Variants in FSTL5 observed in about 807,000 individuals in gnomAD.
FSTL5 encodes the protein follistatin like 5.
FSTL5 carries 62 observed loss-of-function variants against 89.1 expected under a neutral mutation model. That is an observed-to-expected ratio of 0.70 (90% CI 0.57 to 0.86). The LOEUF is 0.86. FSTL5 is among the 40% of genes least tolerant of loss of function. The pLI is 0.00. For synonymous variants in FSTL5, 383 were observed against 346.2 expected (o/e 1.11, Z -1.18); for missense variants, 1,057 against 1,001.6 (o/e 1.06, Z -0.75).
chr4:161,636,446 G>GTTTTTTTTTTT (rs796867744), intron 7 of FSTL5, among the ~76,000 whole-genome samples: 5 of 109,758 alleles, frequency 4.6e-5, no homozygotes, highest in East Asian at 2.6e-4. Context: ...TCTGGCAGTT[G>GTTTTTTTTTTT]TTTTTTTTTT....
At chr4:161,407,691 T>G (rs576705165) in intron 15 of FSTL5, among the ~76,000 whole-genome samples, 1 of 120,978 alleles carries the variant, frequency 8.3e-6, no homozygotes, top group Admixed American at 8.0e-5. Context: ...CCAGCTAACC[T>G]CCAGGGAGAA....
chr4:161,916,288 C>T (rs1188884681), intron 4 of FSTL5, among the ~76,000 whole-genome samples: 2 of 152,096 alleles, frequency 1.3e-5, no homozygotes, highest in Non-Finnish European at 2.9e-5. Context: ...GTTTAAATCC[C>T]TTTTCATTTT....
rs546127915 is a variant in FSTL5 at position 162,081,308 on chromosome 4, G to T, written c.126+29963C>A. On this transcript the variant is annotated intron_variant, in intron 2 of 15. Coordinates refer to ENST00000306100, the MANE Select transcript of FSTL5 (RefSeq NM_020116.5). ...ATATAATGGATCACAGTGAAACTAG[G>T]CGTTCAAGGGGCACTAGGGGAGGGC... 5.3e-5 allele frequency among the ~76,000 whole-genome samples: 8 copies of T among 151,572 alleles called. No homozygotes were observed. In the East Asian group the frequency reaches 1.6e-3, roughly 30 times the overall value.
At chr4:161,738,634 A>G (rs1373630994) in intron 6 of FSTL5, among the ~76,000 whole-genome samples, 1 of 152,144 alleles carries the variant, frequency 6.6e-6, no homozygotes, top group Non-Finnish European at 1.5e-5. Flanking sequence ...TTCAAATTAA[A>G]TAAAGATAAA....
chr4:161,972,728 ACTTTGCCACAT>A (rs1735520918), intron 3 of FSTL5, among the ~76,000 whole-genome samples: 2 of 152,184 alleles, frequency 1.3e-5, no homozygotes, highest in Admixed American at 1.3e-4. Context: ...GCCCAGTTAA[ACTTTGCCACAT>A]CTTTTGATTC....
intron 8 of FSTL5, among the ~76,000 whole-genome samples, chr4:161,562,520 T>C (rs1732641680): frequency 6.6e-6 from 1 of 152,026 alleles, no homozygotes; most frequent in Non-Finnish European, 1.5e-5. Context: ...CTATAATTTA[T>C]AATTTGGCTT....
intron 6 of FSTL5, among the ~76,000 whole-genome samples, chr4:161,668,767 C>T (rs188385195): frequency 2.3e-4 from 35 of 152,028 alleles, no homozygotes; most frequent in African/African-American, 5.1e-4. Flanking sequence ...GAAAACAAAA[C>T]GTGCAAGATT....
At chr4:161,609,170 A>G (rs1297899410) in intron 7 of FSTL5, among the ~76,000 whole-genome samples, 1 of 152,122 alleles carries the variant, frequency 6.6e-6, no homozygotes, top group East Asian at 1.9e-4. Flanking sequence ...TGGCACATAC[A>G]CAGTGTTCAA....
chr4:161,844,504 T>C (rs1478497877), intron 4 of FSTL5, among the ~76,000 whole-genome samples: 2 of 152,098 alleles, frequency 1.3e-5, no homozygotes, highest in African/African-American at 4.8e-5. Context: ...TGCAGCACTG[T>C]TCACAAAAGC....
intron 4 of FSTL5, among the ~76,000 whole-genome samples, chr4:161,854,928 A>G (rs1731676923): frequency 6.6e-6 from 1 of 151,812 alleles, no homozygotes. Flanking sequence ...AATCATAATT[A>G]GTGTGTGTAC....
At chr4:161,626,015 A>C (rs555427756) in intron 7 of FSTL5, among the ~76,000 whole-genome samples, 1 of 152,198 alleles carries the variant, frequency 6.6e-6, no homozygotes, top group Non-Finnish European at 1.5e-5. Flanking sequence ...CTTCTGTAAG[A>C]AAGAGGTTAG....
chr4:161,485,258 G>A (rs946429751), intron 12 of FSTL5, among the ~76,000 whole-genome samples: 2 of 152,098 alleles, frequency 1.3e-5, no homozygotes, highest in African/African-American at 4.8e-5. Flanking sequence ...AATTATTTCT[G>A]CCTGTGGCAG....
At chr4:162,107,897 C>T (rs1371273532) in intron 2 of FSTL5, among the ~76,000 whole-genome samples, 1 of 151,914 alleles carries the variant, frequency 6.6e-6, no homozygotes, top group Non-Finnish European at 1.5e-5. Context: ...TTTAATAATG[C>T]CATGTGAATA....
At chr4:161,602,439 A>G (rs1271620836) in intron 7 of FSTL5, among the ~76,000 whole-genome samples, 1 of 152,150 alleles carries the variant, frequency 6.6e-6, no homozygotes, top group South Asian at 2.1e-4. Flanking sequence ...AGAACAGGGT[A>G]TCCAAAAGAA....
chr4:161,709,270 T>C (rs148062570), intron 6 of FSTL5, among the ~76,000 whole-genome samples: 2 of 152,260 alleles, frequency 1.3e-5, no homozygotes, highest in African/African-American at 4.8e-5. Context: ...AAAAATTCAA[T>C]ATTGATACAT....
At chr4:162,072,544 T>C (rs1729673109) in intron 2 of FSTL5, among the ~76,000 whole-genome samples, 1 of 151,898 alleles carries the variant, frequency 6.6e-6, no homozygotes, top group African/African-American at 2.4e-5. Context: ...AGAATAGTTA[T>C]TTGAACAAAG....
At chr4:161,532,906 A>G (rs1272716297) in intron 10 of FSTL5, among the ~76,000 whole-genome samples, 1 of 152,174 alleles carries the variant, frequency 6.6e-6, no homozygotes, top group Non-Finnish European at 1.5e-5. Flanking sequence ...AAGAAAATAG[A>G]AATCAATACC....
chr4:161,623,312 G>A (rs1735207222), intron 7 of FSTL5, among the ~76,000 whole-genome samples: 1 of 151,910 alleles, frequency 6.6e-6, no homozygotes. Context: ...TATGGAGACA[G>A]GCAGGAAACA....
chr4:162,052,235 A>C (rs1039623198), intron 2 of FSTL5, among the ~76,000 whole-genome samples: 7 of 151,602 alleles, frequency 4.6e-5, no homozygotes, highest in African/African-American at 1.7e-4. Flanking sequence ...GACAAGAAGA[A>C]AAATAAAACT....
Sources: gnomAD v4.1 joint callset for allele counts (sites outside exome capture counted in the v4.1 genomes callset) on GRCh38, gnomAD v4.1.1 for gene constraint, MANE v1.5 for transcripts, NCBI Gene and HGNC (gene_info 2026-07-23, HGNC 2026-07-21) for gene names.